Variants in PRKN observed in about 807,000 individuals in gnomAD.
PRKN encodes the protein parkin RBR E3 ubiquitin protein ligase, also known as E3 ubiquitin-protein ligase parkin.
Under a neutral mutation model 59.5 loss-of-function variants are expected in PRKN, and 56 were observed. That is an observed-to-expected ratio of 0.94 (90% CI 0.76 to 1.18). The LOEUF (loss-of-function observed/expected upper bound fraction) is 1.18. PRKN is among the 50% of genes most tolerant of loss of function. PRKN has a pLI of 0.00. For missense variants in PRKN, 657 were observed against 596.4 expected (o/e 1.10, Z -1.06); for synonymous variants, 250 against 222.1 (o/e 1.13, Z -1.12).
intron 4 of PRKN, among the ~76,000 whole-genome samples, chr6:162,055,695 G>A (rs1237961627): frequency 6.6e-6 from 1 of 152,138 alleles, no homozygotes; most frequent in African/African-American, 2.4e-5. Context: ...TTAGGACTCA[G>A]GGGCAGAGGC....
intron 10 of PRKN, among the ~76,000 whole-genome samples, chr6:161,381,087 G>C (rs1175628820): frequency 6.6e-6 from 1 of 152,180 alleles, no homozygotes; most frequent in Admixed American, 6.5e-5. Flanking sequence ...ATTTATCTTT[G>C]CATCCTTATC....
rs138394910 is a variant in PRKN, at chr6:161,547,871, A to G, written c.1083+983T>C. ...CACCATGGTATCTCATTATTTTTCA[A>G]CTTCCACTTCCTCTACTCCATTGCT... On this transcript the variant is annotated intron_variant, in intron 9 of 11. Transcript: ENST00000366898. The surrounding 1 kb of genome is among the most constrained non-coding windows in gnomAD (Gnocchi z 4.0). Among the ~76,000 whole-genome samples, 2 of 152,116 alleles carry G rather than the reference A, an allele frequency of 1.3e-5. No homozygotes were observed. The highest frequency in any genetic ancestry group is 1.9e-4 in the East Asian group (1 of 5,188).
In PRKN at chr6:161,454,402, C is replaced by G. The variant is rs1486183814; in HGVS notation, c.1084-67525G>C. 6.6e-6 allele frequency among the ~76,000 whole-genome samples: 1 copy of G among 152,144 alleles called. No individual in the cohort carries two copies. The highest frequency in any genetic ancestry group is 1.5e-5 in the Non-Finnish European group (1 of 68,020). The stretch of plus-strand genomic sequence containing the variant: ...GGGGTTAGGGTGGCTTTGGGAAACC[C>G]TTGACTGCTTGAGGAATCCTTTCCA... On this transcript the variant is annotated intron_variant, in intron 9 of 11. Coordinates refer to ENST00000366898, the MANE Select transcript of PRKN (RefSeq NM_004562.3). This position sits in a 1 kb window ranked among gnomAD's most constrained non-coding sequence, Gnocchi z 4.6.
intron 7 of PRKN, among the ~76,000 whole-genome samples, chr6:161,761,733 T>C (rs1789209908): frequency 6.6e-6 from 1 of 152,206 alleles, no homozygotes; most frequent in Non-Finnish European, 1.5e-5. Flanking sequence ...AAGGCTTGTA[T>C]CACCTTAGGA....
At chr6:161,915,057 G>A (rs918079690) in intron 6 of PRKN, among the ~76,000 whole-genome samples, 1 of 152,144 alleles carries the variant, frequency 6.6e-6, no homozygotes, top group Non-Finnish European at 1.5e-5. Context: ...GGCTGAGACA[G>A]GTGGATCACC....
intron 2 of PRKN, among the ~76,000 whole-genome samples, chr6:162,360,076 C>T (rs1201729448): frequency 6.6e-6 from 1 of 151,632 alleles, no homozygotes; most frequent in Non-Finnish European, 1.5e-5. Flanking sequence ...TTTATATATA[C>T]ATATGTGTGT....
intron 5 of PRKN, among the ~76,000 whole-genome samples, chr6:161,988,640 A>G (rs1781528841): frequency 6.6e-6 from 1 of 152,178 alleles, no homozygotes; most frequent in Non-Finnish European, 1.5e-5. Flanking sequence ...AAAGAAGAGT[A>G]AAAACAGAGA....
chr6:162,616,501 A>AT (rs201958843), intron 1 of PRKN, among the ~76,000 whole-genome samples: 2 of 152,182 alleles, frequency 1.3e-5, no homozygotes, highest in East Asian at 3.9e-4. Flanking sequence ...TGGTAAGCAT[A>AT]TAATTGTTGC....
At chr6:162,368,090 A>G (rs1785549656) in intron 2 of PRKN, among the ~76,000 whole-genome samples, 1 of 152,176 alleles carries the variant, frequency 6.6e-6, no homozygotes, top group Middle Eastern at 3.2e-3. Context: ...CAGATGTCAC[A>G]GGAACTCGCT....
intron 4 of PRKN, among the ~76,000 whole-genome samples, chr6:162,084,079 T>C (rs1465276355): frequency 6.6e-6 from 1 of 152,110 alleles, no homozygotes; most frequent in Non-Finnish European, 1.5e-5. Flanking sequence ...GTTGATTTAG[T>C]TTTTGACAGA....
chr6:162,086,988 A>G (rs1452573499), intron 4 of PRKN, among the ~76,000 whole-genome samples: 1 of 152,198 alleles, frequency 6.6e-6, no homozygotes, highest in African/African-American at 2.4e-5. Context: ...ACAAGGAAAT[A>G]TGAACTTTAG....
chr6:161,495,786 C>T (rs1777726155), intron 9 of PRKN, among the ~76,000 whole-genome samples: 1 of 152,198 alleles, frequency 6.6e-6, no homozygotes, highest in Non-Finnish European at 1.5e-5. Context: ...TTACTTTCAT[C>T]ATTTCTAGAA....
intron 9 of PRKN, among the ~76,000 whole-genome samples, chr6:161,389,649 C>T (rs1463363246): frequency 6.6e-6 from 1 of 152,220 alleles, no homozygotes; most frequent in African/African-American, 2.4e-5. Context: ...GCCTCACACT[C>T]ATTCCTCTGC....
At chr6:161,764,521 A>ATTTTTAAT (rs1456309833) in intron 7 of PRKN, among the ~76,000 whole-genome samples, 10 of 152,246 alleles carry the variant, frequency 6.6e-5, no homozygotes, top group Non-Finnish European at 5.9e-5. Flanking sequence ...AAATGTGACC[A>ATTTTTAAT]GATGCACCAT....
intron 4 of PRKN, among the ~76,000 whole-genome samples, chr6:162,149,289 G>A (rs1282243447): frequency 6.6e-6 from 1 of 151,998 alleles, no homozygotes; most frequent in Non-Finnish European, 1.5e-5. Flanking sequence ...CTGTCACCCA[G>A]GCTGGAGTGC....
chr6:162,453,984 A>G (rs1790746885), intron 1 of PRKN, among the ~76,000 whole-genome samples: 1 of 152,202 alleles, frequency 6.6e-6, no homozygotes, highest in Non-Finnish European at 1.5e-5. Context: ...AAGGAGAAGA[A>G]AGACTGGATG....
chr6:162,635,316 C>A (rs1294268181), intron 1 of PRKN, among the ~76,000 whole-genome samples: 1 of 152,236 alleles, frequency 6.6e-6, no homozygotes, highest in Non-Finnish European at 1.5e-5. Flanking sequence ...CCCTTCCCCT[C>A]TTTCTCATTC....
chr6:161,915,359 G>A (rs1485304600), intron 6 of PRKN, among the ~76,000 whole-genome samples: 2 of 152,096 alleles, frequency 1.3e-5, no homozygotes, highest in Non-Finnish European at 1.5e-5. Flanking sequence ...GTTTGTGAAA[G>A]AACACCCTAT....
chr6:162,294,904 A>G (rs1183016355), intron 2 of PRKN, among the ~76,000 whole-genome samples: 1 of 152,162 alleles, frequency 6.6e-6, no homozygotes, highest in Non-Finnish European at 1.5e-5. Flanking sequence ...AACCCAGAAA[A>G]CACAGGACAA....
Sources: gnomAD v4.1 joint callset for allele counts (sites outside exome capture counted in the v4.1 genomes callset) on GRCh38, gnomAD v4.1.1 for gene constraint, Gnocchi (gnomAD v3.1) non-coding constraint, MANE v1.5 for transcripts, NCBI Gene and HGNC (gene_info 2026-07-23, HGNC 2026-07-21) for gene names.